ASPRV1: variants seen among roughly 807,000 people sequenced by gnomAD.
ASPRV1 encodes the protein aspartic peptidase retroviral like 1, also known as retroviral-like aspartic protease 1.
In ASPRV1, 7 loss-of-function variants were observed where a neutral mutation model predicts 11.0. That is an observed-to-expected ratio of 0.64 (90% CI 0.36 to 1.20). The LOEUF (loss-of-function observed/expected upper bound fraction) is 1.20. Ranked by LOEUF, ASPRV1 falls within the 50% of genes most tolerant of loss-of-function variation. The pLI is 0.02. For synonymous variants in ASPRV1, 136 were observed against 138.4 expected (o/e 0.98, Z 0.12); for missense variants, 299 against 320.0 (o/e 0.93, Z 0.50).
the ASPRV1 span, among the ~76,000 whole-genome samples, chr2:69,983,259 T>G: frequency 3.8e-3 from 578 of 152,340 alleles, 5 homozygotes; most frequent in Middle Eastern, 0.014. Flanking sequence ...TTGGAGCGTC[T>G]TGTACTGGAT....
At position 69,961,429 on chromosome 2, in the gene ASPRV1, C is replaced by T. The variant is rs1235819011; in HGVS notation, c.8G>A (p.Gly3Glu). 1.2e-6 allele frequency: 2 copies of T among 1,613,952 alleles called. No individual in the cohort carries two copies. The highest frequency in any genetic ancestry group is 1.7e-5 in the Admixed American group (1 of 60,002). ...GCCTTCCTCACTCCTGGCTCCGCTC[C>T]CGGCCATCCTGCTGCTCTCCTCTGG... MA[G>E]SGARSEEGRR... The change falls in exon 1 of 1, where the codon GGG becomes GAG. Residue 3 changes from glycine (G) to glutamate (E), a missense_variant. Transcript: ENST00000320256.
At chr2:69,990,049 C>A in the ASPRV1 span, among the ~76,000 whole-genome samples, 1 of 152,224 alleles carries the variant, frequency 6.6e-6, no homozygotes, top group Non-Finnish European at 1.5e-5. Flanking sequence ...TTGCCATGAT[C>A]CTCATTTTTA....
chr2:70,015,278 A>T, the ASPRV1 span, among the ~76,000 whole-genome samples: 1 of 152,248 alleles, frequency 6.6e-6, no homozygotes, highest in Non-Finnish European at 1.5e-5. Flanking sequence ...TAAAAACTGT[A>T]AAACAAGACA....
At chr2:70,033,831 C>T in the ASPRV1 span, among the ~76,000 whole-genome samples, 5 of 152,170 alleles carry the variant, frequency 3.3e-5, no homozygotes, top group African/African-American at 1.2e-4. Context: ...CACTCACTGG[C>T]AGTCTTCTGA....
At chr2:69,971,673 G>A in the ASPRV1 span, among the ~76,000 whole-genome samples, 1 of 152,240 alleles carries the variant, frequency 6.6e-6, no homozygotes, top group South Asian at 2.1e-4. Flanking sequence ...AATGTTTGGG[G>A]AGGCCGGAGA....
chr2:69,947,113 C>G, the ASPRV1 span, among the ~76,000 whole-genome samples: 1 of 152,196 alleles, frequency 6.6e-6, no homozygotes, highest in Non-Finnish European at 1.5e-5. Flanking sequence ...CAAGTATGAC[C>G]TCTGAGCAAC....
At chr2:69,993,152 A>T in the ASPRV1 span, among the ~76,000 whole-genome samples, 1 of 152,228 alleles carries the variant, frequency 6.6e-6, no homozygotes, top group Non-Finnish European at 1.5e-5. Flanking sequence ...CTGCCTCGGC[A>T]AGTGGGCTGC....
At chr2:70,047,848 T>C in the ASPRV1 span, among the ~76,000 whole-genome samples, 9 of 152,090 alleles carry the variant, frequency 5.9e-5, no homozygotes, top group Non-Finnish European at 1.2e-4. Flanking sequence ...TGGTGACTCA[T>C]GCCTGTAATC....
the ASPRV1 span, chr2:70,070,282 T>G: frequency 6.6e-6 from 1 of 151,626 alleles, no homozygotes; most frequent in African/African-American, 2.4e-5. Flanking sequence ...GAACAGATTA[T>G]TACTTACAAG....
chr2:70,000,333 A>AC, the ASPRV1 span, among the ~76,000 whole-genome samples: 2,259 of 141,912 alleles, frequency 0.016, 40 homozygotes, highest in African/African-American at 0.062. Flanking sequence ...AAAAAAAAAA[A>AC]AACCACACAC....
chr2:69,946,944 G>C, the ASPRV1 span, among the ~76,000 whole-genome samples: 1 of 152,224 alleles, frequency 6.6e-6, no homozygotes, highest in African/African-American at 2.4e-5. Flanking sequence ...CTCAGAGAGA[G>C]AGACAGAGGG....
the ASPRV1 span, chr2:69,937,976 A>C: frequency 1.1e-6 from 1 of 876,508 alleles, no homozygotes; most frequent in South Asian, 1.7e-5. Context: ...CAAACTCCTA[A>C]CCTCAAGTGA....
At chr2:70,058,346 G>A in the ASPRV1 span, among the ~76,000 whole-genome samples, 1 of 151,968 alleles carries the variant, frequency 6.6e-6, no homozygotes, top group Non-Finnish European at 1.5e-5. Flanking sequence ...GGGTTCATGC[G>A]ATTCTCCTGC....
chr2:70,022,902 G>C, the ASPRV1 span, among the ~76,000 whole-genome samples: 1 of 151,902 alleles, frequency 6.6e-6, no homozygotes, highest in South Asian at 2.1e-4. Flanking sequence ...GTATAAAAGG[G>C]TCCTGAGACC....
At chr2:70,011,214 T>G in the ASPRV1 span, among the ~76,000 whole-genome samples, 1 of 151,944 alleles carries the variant, frequency 6.6e-6, no homozygotes, top group African/African-American at 2.4e-5. Flanking sequence ...CAAACCCCTG[T>G]GACACGAGTT....
At chr2:70,025,426 G>T in the ASPRV1 span, among the ~76,000 whole-genome samples, 1 of 151,856 alleles carries the variant, frequency 6.6e-6, no homozygotes, top group African/African-American at 2.4e-5. Flanking sequence ...AGAGAAAAGA[G>T]GAGGAGGAGG....
chr2:69,937,177 C>T, the ASPRV1 span: 1 of 1,600,720 alleles, frequency 6.2e-7, no homozygotes, highest in Non-Finnish European at 8.6e-7. Context: ...GATGCGGGGG[C>T]CATTGCCCAT....
At chr2:70,028,097 C>T in the ASPRV1 span, among the ~76,000 whole-genome samples, 4 of 152,022 alleles carry the variant, frequency 2.6e-5, no homozygotes, top group Admixed American at 2.0e-4. Context: ...TACCTAAAAC[C>T]CATAATTAGA....
At chr2:70,082,167 T>C in the ASPRV1 span, among the ~76,000 whole-genome samples, 1 of 151,914 alleles carries the variant, frequency 6.6e-6, no homozygotes, top group Non-Finnish European at 1.5e-5. Flanking sequence ...GTATTTTTAG[T>C]AGAGACACAG....
Sources: allele counts gnomAD v4.1 joint callset (sites outside exome capture counted in the v4.1 genomes callset), GRCh38; gene constraint gnomAD v4.1.1; transcripts MANE v1.5; gene names NCBI Gene and HGNC (gene_info 2026-07-23, HGNC 2026-07-21).